SRFBP1: variants seen among roughly 807,000 people sequenced by gnomAD.
SRFBP1 encodes the protein serum response factor-binding protein 1.
SRFBP1 carries 47 observed loss-of-function variants against 45.5 expected under a neutral mutation model. The ratio of observed to expected loss-of-function variants is 1.03; its 90% CI spans 0.82 to 1.32. SRFBP1 has a LOEUF of 1.32. SRFBP1 is among the 40% of genes most tolerant of loss of function. The probability of loss-of-function intolerance (pLI) is 0.00; values close to 1 mark genes in which losing one functional copy is unlikely to be tolerated. For missense variants in SRFBP1, 621 were observed against 484.6 expected (o/e 1.28, Z -2.64); for synonymous variants, 203 against 166.3 (o/e 1.22, Z -1.70).
intron 4 of SRFBP1, among the ~76,000 whole-genome samples, chr5:122,006,192 TCAA>T (rs1255461542): frequency 1.3e-5 from 2 of 151,964 alleles, no homozygotes. Context: ...TTTTTTTTCA[TCAA>T]CACTTTGAAT....
chr5:122,064,060 T>C (rs993927737), intron 2 of SRFBP1: 3 of 151,920 alleles, frequency 2.0e-5, no homozygotes, highest in African/African-American at 7.2e-5. Flanking sequence ...ATCGCTAATA[T>C]GGCATATTGT....
At chr5:122,063,189 A>G (rs1754210467) in intron 2 of SRFBP1, 1 of 151,994 alleles carries the variant, frequency 6.6e-6, no homozygotes, top group African/African-American at 2.4e-5. Context: ...ACAAATGACT[A>G]CTATAGACAC....
intron 4 of SRFBP1, among the ~76,000 whole-genome samples, chr5:122,000,791 C>A (rs909689231): frequency 2.0e-5 from 3 of 151,930 alleles, no homozygotes; most frequent in African/African-American, 7.3e-5. Flanking sequence ...AGATAGGAAC[C>A]AGAAATTCAC....
chr5:121,966,039 A>G (rs982989636), intron 1 of SRFBP1, among the ~76,000 whole-genome samples: 2 of 152,140 alleles, frequency 1.3e-5, no homozygotes, highest in Admixed American at 6.5e-5. Flanking sequence ...TTGATTTTGT[A>G]TCCTGAGACT....
At chr5:122,015,345 A>G (rs1026697862) in intron 4 of SRFBP1, among the ~76,000 whole-genome samples, 1 of 152,216 alleles carries the variant, frequency 6.6e-6, no homozygotes, top group Non-Finnish European at 1.5e-5. Flanking sequence ...TGGCAACAGA[A>G]GTCTGTCATG....
chr5:122,074,033 C>T, intron 2 of SRFBP1: 1 of 1,614,016 alleles, frequency 6.2e-7, no homozygotes, highest in Non-Finnish European at 8.5e-7. Context: ...GCAGTACATG[C>T]AAATCGCCTG....
intron 2 of SRFBP1, among the ~76,000 whole-genome samples, chr5:122,059,961 T>G (rs886671591): frequency 5.9e-5 from 9 of 152,088 alleles, no homozygotes; most frequent in African/African-American, 2.2e-4. Context: ...TCTTTTTCTG[T>G]TTGCCTTGAC....
chr5:122,039,243 C>T (rs78071507), intron 2 of SRFBP1, among the ~76,000 whole-genome samples: 1 of 151,964 alleles, frequency 6.6e-6, no homozygotes, highest in Non-Finnish European at 1.5e-5. Context: ...AATTTCTGTA[C>T]CTGGTGTTTA....
intron 2 of SRFBP1, chr5:122,063,190 C>G (rs1344163960): frequency 1.3e-5 from 2 of 151,844 alleles, no homozygotes; most frequent in Non-Finnish European, 2.9e-5. Flanking sequence ...CAAATGACTA[C>G]TATAGACACT....
rs1000647921 is a variant in SRFBP1, at chr5:122,074,107, C to G, written n.312-1208C>G. The stretch of plus-strand genomic sequence containing the variant: ...ACTTGCTTTGTGGCCTTCAGCCACT[C>G]TCCTCTGGGTGTTGGCATCAAGCAG... On this transcript the variant is annotated intron_variant and non_coding_transcript_variant, in intron 2 of 2. Coordinates refer to the SRFBP1 transcript ENST00000504881. The G allele has an allele frequency of 6.2e-7, 1 of 1,613,806 alleles. No individual in the cohort carries two copies. The highest frequency in any genetic ancestry group is 8.5e-7 in the Non-Finnish European group (1 of 1,179,834).
chr5:122,064,650 AAAATG>A (rs1348387732), intron 2 of SRFBP1: 15 of 152,122 alleles, frequency 9.9e-5, no homozygotes, highest in African/African-American at 2.4e-4. Context: ...TTATTCCCTA[AAAATG>A]AAATAAGATG....
chr5:122,000,533 T>C (rs1483769556), intron 4 of SRFBP1, among the ~76,000 whole-genome samples: 2 of 152,070 alleles, frequency 1.3e-5, no homozygotes, highest in African/African-American at 4.8e-5. Flanking sequence ...TTGTCCTTTA[T>C]TTTAAAAAAT....
intron 6 of SRFBP1, 94 bp from the exon 7 acceptor site, chr5:122,022,276 T>C: frequency 9.5e-7 from 1 of 1,056,390 alleles, no homozygotes. Context: ...TAGTGGCCCT[T>C]TGAATTAGTT....
chr5:121,993,852 G>T (rs1580512559), intron 3 of SRFBP1, among the ~76,000 whole-genome samples: 1 of 151,906 alleles, frequency 6.6e-6, no homozygotes, highest in East Asian at 1.9e-4. Context: ...ATTCCAGGTG[G>T]AAGGGCCTTT....
rs149286452 is a variant in SRFBP1, at chr5:121,990,997, C to T, written c.199-3602C>T. Among the ~76,000 whole-genome samples the T allele has an allele frequency of 2.8e-3, 421 of 151,572 alleles. 5 individuals carry two copies. Among genetic ancestry groups the T allele is most frequent in the African/African-American group, 9.7e-3 (396 of 41,016 alleles). On this transcript the variant is annotated intron_variant, in intron 3 of 7. Coordinates refer to ENST00000339397, the MANE Select transcript of SRFBP1 (RefSeq NM_152546.3). Reference sequence around the variant, plus strand: ...ACTTTTTAGCCAAATTAGGGCTTACCTGCTTTCCAGTGCACTTGTAGAAGC... The same window carrying T: ...ACTTTTTAGCCAAATTAGGGCTTACTTGCTTTCCAGTGCACTTGTAGAAGC...
intron 1 of SRFBP1, among the ~76,000 whole-genome samples, chr5:121,967,514 T>C (rs1387023443): frequency 2.0e-5 from 3 of 152,174 alleles, no homozygotes; most frequent in African/African-American, 7.2e-5. Context: ...ATCATCCATA[T>C]GATAAAATTA....
chr5:122,056,211 T>A (rs1754075800), intron 2 of SRFBP1, among the ~76,000 whole-genome samples: 1 of 152,200 alleles, frequency 6.6e-6, no homozygotes, highest in African/African-American at 2.4e-5. Flanking sequence ...CCTACAAGTA[T>A]GTCATAAGAA....
At chr5:122,032,411 C>T (rs970872018), downstream of SRFBP1, among the ~76,000 whole-genome samples, 2 of 135,864 alleles carry the variant, frequency 1.5e-5, no homozygotes, top group Non-Finnish European at 3.2e-5. Context: ...CCCCTGTAAA[C>T]AATAAATCTC....
intron 2 of SRFBP1, among the ~76,000 whole-genome samples, chr5:122,053,378 C>T (rs929293193): frequency 1.3e-5 from 2 of 152,128 alleles, no homozygotes; most frequent in Non-Finnish European, 2.9e-5. Context: ...GCAGGTGTTG[C>T]CTGCCTGGCT....
Sources: gnomAD v4.1 joint callset for allele counts (sites outside exome capture counted in the v4.1 genomes callset) on GRCh38, gnomAD v4.1.1 for gene constraint, MANE v1.5 for transcripts, NCBI Gene and HGNC (gene_info 2026-07-23, HGNC 2026-07-21) for gene names.